Variants in XKR9 observed in about 807,000 individuals in gnomAD.
XKR9 encodes the protein XK-related protein 9.
XKR9 carries 32 observed loss-of-function variants against 32.0 expected under a neutral mutation model. The observed-to-expected ratio is 1.00, with a 90% CI of 0.76 to 1.34. The LOEUF is 1.34. XKR9 is among the 40% of genes most tolerant of loss of function. XKR9 has a pLI of 0.00. For missense variants in XKR9, 546 were observed against 429.7 expected, an observed-to-expected ratio of 1.27 and a Z score of -2.39; for synonymous variants, 168 against 143.4, an observed-to-expected ratio of 1.17 and a Z score of -1.22.
At chr8:70,789,907 A>G (rs1807741594) in intron 3 of XKR9, among the ~76,000 whole-genome samples, 1 of 152,024 alleles carries the variant, frequency 6.6e-6, no homozygotes, top group Non-Finnish European at 1.5e-5. Context: ...ATATATTGCT[A>G]TGGAGTAACC....
downstream of XKR9, among the ~76,000 whole-genome samples, chr8:70,738,580 C>A (rs1806905775): frequency 6.6e-6 from 1 of 151,370 alleles, no homozygotes; most frequent in African/African-American, 2.4e-5. Flanking sequence ...AATTTTTGAT[C>A]TTTCCTGCTT....
chr8:70,753,568 T>C (rs1198179416), intron 2 of XKR9, among the ~76,000 whole-genome samples: 1 of 152,068 alleles, frequency 6.6e-6, no homozygotes, highest in Non-Finnish European at 1.5e-5. Context: ...TTATCCACCA[T>C]GATCAAGTGG....
the XKR9 span, among the ~76,000 whole-genome samples, chr8:70,932,548 A>G: frequency 1.3e-5 from 2 of 152,142 alleles, no homozygotes; most frequent in East Asian, 3.9e-4. Flanking sequence ...CCACTTCTGT[A>G]TTAGTTTGCT....
At chr8:70,908,420 A>G in the XKR9 span, among the ~76,000 whole-genome samples, 1 of 152,172 alleles carries the variant, frequency 6.6e-6, no homozygotes. Context: ...CTACATAAGA[A>G]GCTCACCAGG....
At chr8:71,048,802 A>G in the XKR9 span, among the ~76,000 whole-genome samples, 2 of 152,240 alleles carry the variant, frequency 1.3e-5, no homozygotes, top group Non-Finnish European at 2.9e-5. Context: ...CAATGGGATA[A>G]GTGCCACAGA....
intron 2 of XKR9, among the ~76,000 whole-genome samples, chr8:70,679,197 A>G (rs965880015): frequency 6.6e-6 from 1 of 152,084 alleles, no homozygotes; most frequent in African/African-American, 2.4e-5. Context: ...CCTTACCTTT[A>G]AGATCATACC....
At chr8:70,781,712 T>C (rs1011567778) in intron 2 of XKR9, among the ~76,000 whole-genome samples, 19 of 152,186 alleles carry the variant, frequency 1.2e-4, no homozygotes, top group Admixed American at 2.0e-4. Context: ...TTTTTTAATA[T>C]ACCTGTTGGC....
the XKR9 span, among the ~76,000 whole-genome samples, chr8:71,034,007 A>T: frequency 6.6e-6 from 1 of 152,228 alleles, no homozygotes; most frequent in African/African-American, 2.4e-5. Context: ...TGTTAAGATC[A>T]AGAAGAAACT....
chr8:70,941,051 A>G, the XKR9 span, among the ~76,000 whole-genome samples: 16 of 152,236 alleles, frequency 1.1e-4, no homozygotes, highest in Non-Finnish European at 1.9e-4. Flanking sequence ...TACATTCACA[A>G]TGCTGTGCTA....
At chr8:70,950,853 T>C in the XKR9 span, among the ~76,000 whole-genome samples, 3 of 152,032 alleles carry the variant, frequency 2.0e-5, no homozygotes, top group Admixed American at 2.0e-4. Flanking sequence ...TTTGAATTTT[T>C]AGTAGAGATG....
At chr8:71,011,737 A>G in the XKR9 span, among the ~76,000 whole-genome samples, 1 of 152,230 alleles carries the variant, frequency 6.6e-6, no homozygotes, top group Non-Finnish European at 1.5e-5. Context: ...CTTGGTCAGC[A>G]TGCCTCAACC....
At chr8:71,038,948 C>T in the XKR9 span, among the ~76,000 whole-genome samples, 6 of 151,520 alleles carry the variant, frequency 4.0e-5, no homozygotes, top group Non-Finnish European at 5.9e-5. Flanking sequence ...GGATTACAGG[C>T]GCACACCACC....
chr8:70,977,810 G>A, the XKR9 span, among the ~76,000 whole-genome samples: 1 of 152,168 alleles, frequency 6.6e-6, no homozygotes. Context: ...CTCTCTCATT[G>A]ATCTGTCTAA....
the XKR9 span, among the ~76,000 whole-genome samples, chr8:70,846,286 C>G: frequency 6.6e-6 from 1 of 151,924 alleles, no homozygotes; most frequent in African/African-American, 2.4e-5. Flanking sequence ...TAGACTGAAT[C>G]TACAAGAAAT....
rs747326493 is a variant in XKR9 at position 70,734,172 on chromosome 8, T to C, written c.870T>C (p.Tyr290=). ...GQNTKCPMSC[Y]YIVRVLGTLG... is the part of the protein sequence containing the mutation. The stretch of plus-strand genomic sequence containing the variant: ...ATACCAAGTGTCCAATGTCTTGTTA[T>C]TATATTGTTAGGGTACTGGGCACTT... The change falls in exon 5 of 5, where the codon TAT becomes TAC. Residue 290 remains tyrosine (Y), a synonymous_variant. Transcript: ENST00000408926. The C allele has an allele frequency of 2.5e-6, 4 of 1,613,354 alleles. No homozygotes were observed. Among genetic ancestry groups the C allele is most frequent in the Non-Finnish European group, 3.4e-6 (4 of 1,179,526 alleles).
At chr8:71,008,916 G>T in the XKR9 span, among the ~76,000 whole-genome samples, 1 of 152,302 alleles carries the variant, frequency 6.6e-6, no homozygotes, top group Admixed American at 6.5e-5. Flanking sequence ...TGAGCTGCCT[G>T]CCTCAGCCTC....
the XKR9 span, among the ~76,000 whole-genome samples, chr8:71,038,928 T>A: frequency 6.7e-6 from 1 of 150,152 alleles, no homozygotes; most frequent in Non-Finnish European, 1.5e-5. Context: ...CCTCAGCCTC[T>A]CTGAGGCTGG....
At chr8:70,987,993 G>A in the XKR9 span, among the ~76,000 whole-genome samples, 1 of 152,144 alleles carries the variant, frequency 6.6e-6, no homozygotes, top group Admixed American at 6.5e-5. Context: ...CTCTACGTTG[G>A]CCCCTTTCAG....
At chr8:70,816,138 A>G in the XKR9 span, among the ~76,000 whole-genome samples, 1 of 152,184 alleles carries the variant, frequency 6.6e-6, no homozygotes, top group Admixed American at 6.5e-5. Context: ...AAGCAAAAAT[A>G]AAACAGACAC....
Sources: gnomAD v4.1 joint callset for allele counts (sites outside exome capture counted in the v4.1 genomes callset) on GRCh38, gnomAD v4.1.1 for gene constraint, MANE v1.5 for transcripts, NCBI Gene and HGNC (gene_info 2026-07-23, HGNC 2026-07-21) for gene names.